FHIT: variants seen among roughly 807,000 people sequenced by gnomAD.
FHIT encodes bis(5'-adenosyl)-triphosphatase.
In FHIT, 19 loss-of-function variants were observed where a neutral mutation model predicts 17.9. That is an observed-to-expected ratio of 1.06 (90% confidence interval 0.74 to 1.56). The LOEUF is 1.56. Among genes scored for constraint, FHIT ranks in the 40% most tolerant of loss-of-function variants. The pLI, the probability that FHIT is intolerant of heterozygous loss-of-function variation, is 0.00. For synonymous variants in FHIT, 81 were observed against 69.7 expected (o/e 1.16, Z -0.81); for missense variants, 248 against 189.2 (o/e 1.31, Z -1.82).
intron 5 of FHIT, among the ~76,000 whole-genome samples, chr3:60,443,517 T>A (rs758225432): frequency 1.3e-5 from 2 of 152,204 alleles, no homozygotes; most frequent in South Asian, 4.1e-4. Context: ...CTTTTCTGCA[T>A]GTATTGAGAT....
intron 3 of FHIT, among the ~76,000 whole-genome samples, chr3:61,004,069 G>A (rs146523265): frequency 1.5e-4 from 23 of 152,202 alleles, no homozygotes; most frequent in Admixed American, 3.3e-4. Flanking sequence ...TGAGGGCACC[G>A]AGACGAATAG....
intron 3 of FHIT, among the ~76,000 whole-genome samples, chr3:60,885,891 G>T (rs189304765): frequency 6.6e-5 from 10 of 152,128 alleles, no homozygotes; most frequent in East Asian, 5.8e-4. Context: ...ATGTTTTACA[G>T]TCTTAGGAAT....
intron 3 of FHIT, among the ~76,000 whole-genome samples, chr3:61,003,308 T>C (rs2031224051): frequency 6.6e-6 from 1 of 152,192 alleles, no homozygotes; most frequent in African/African-American, 2.4e-5. Flanking sequence ...TGTTATTCCT[T>C]TGTAATATTA....
At chr3:60,186,580 C>T (rs73831983) in intron 5 of FHIT, among the ~76,000 whole-genome samples, 1,702 of 152,264 alleles carry the variant, frequency 0.011, 30 homozygotes, top group African/African-American at 0.04. Flanking sequence ...GAATGTTACA[C>T]AGTCATAACG....
At chr3:61,066,895 C>T (rs912099674) in intron 2 of FHIT, among the ~76,000 whole-genome samples, 2 of 152,162 alleles carry the variant, frequency 1.3e-5, no homozygotes, top group African/African-American at 4.8e-5. Context: ...ACCTGGGGTG[C>T]TATGTGAGGA....
At chr3:60,219,658 T>C (rs1462448440) in intron 5 of FHIT, among the ~76,000 whole-genome samples, 1 of 152,164 alleles carries the variant, frequency 6.6e-6, no homozygotes, top group Non-Finnish European at 1.5e-5. Flanking sequence ...TCAGTGATAC[T>C]TCCCTGTCCC....
chr3:60,868,492 C>T (rs1704260158), intron 3 of FHIT, among the ~76,000 whole-genome samples: 1 of 152,128 alleles, frequency 6.6e-6, no homozygotes, highest in Admixed American at 6.6e-5. Context: ...TTAAATTCCA[C>T]ATTTTGAAAC....
chr3:59,952,799 G>C (rs990270212), intron 7 of FHIT, among the ~76,000 whole-genome samples: 12 of 152,176 alleles, frequency 7.9e-5, no homozygotes, highest in Non-Finnish European at 1.6e-4. Flanking sequence ...TGGAGGGCTA[G>C]AGGGTGCAAA....
At chr3:59,840,879 G>A (rs982243072) in intron 8 of FHIT, among the ~76,000 whole-genome samples, 3 of 152,146 alleles carry the variant, frequency 2.0e-5, no homozygotes, top group Non-Finnish European at 2.9e-5. Context: ...TCATAGGGTT[G>A]TTGTGAGGTT....
intron 4 of FHIT, among the ~76,000 whole-genome samples, chr3:60,677,936 A>G (rs2040660821): frequency 6.6e-6 from 1 of 152,112 alleles, no homozygotes; most frequent in South Asian, 2.1e-4. Context: ...CCTCTACATT[A>G]TCTAGATTGT....
intron 5 of FHIT, among the ~76,000 whole-genome samples, chr3:60,331,658 C>T (rs1169575536): frequency 6.6e-6 from 1 of 151,978 alleles, no homozygotes; most frequent in Non-Finnish European, 1.5e-5. Context: ...ACCAGCCTGA[C>T]CAACATGGAG....
At chr3:60,505,623 A>C (rs1166493128) in intron 5 of FHIT, among the ~76,000 whole-genome samples, 1 of 152,152 alleles carries the variant, frequency 6.6e-6, no homozygotes, top group Non-Finnish European at 1.5e-5. Flanking sequence ...TTCTTCCAGC[A>C]TATTTTATGA....
chr3:60,031,738 G>T (rs1032842535), intron 5 of FHIT, among the ~76,000 whole-genome samples: 42 of 152,240 alleles, frequency 2.8e-4, no homozygotes, highest in African/African-American at 8.9e-4. Context: ...TGGGGCTTAG[G>T]TCAGGAGTTC....
chr3:61,030,668 G>A (rs543744204), intron 3 of FHIT, among the ~76,000 whole-genome samples: 20 of 152,218 alleles, frequency 1.3e-4, no homozygotes, highest in Middle Eastern at 3.4e-3. Flanking sequence ...TATGTTGGAC[G>A]GACAGTTCAA....
intron 4 of FHIT, among the ~76,000 whole-genome samples, chr3:60,616,104 G>T (rs561937247): frequency 6.6e-6 from 1 of 152,218 alleles, no homozygotes; most frequent in East Asian, 1.9e-4. Context: ...CCATTGTCTA[G>T]GTTCTTCTAT....
chr3:60,744,258 C>CAAAAA (rs371224955), intron 4 of FHIT, among the ~76,000 whole-genome samples: 3 of 95,636 alleles, frequency 3.1e-5, no homozygotes, highest in African/African-American at 4.1e-5. Flanking sequence ...AAAAAAAAAA[C>CAAAAA]AAAACAAAAC....
At chr3:61,115,337 G>T (rs1458801842) in intron 2 of FHIT, among the ~76,000 whole-genome samples, 1 of 152,122 alleles carries the variant, frequency 6.6e-6, no homozygotes, top group Admixed American at 6.6e-5. Flanking sequence ...GTATCACTGT[G>T]TCTAGAGAGA....
chr3:60,059,176 G>C (rs370840503), intron 5 of FHIT, among the ~76,000 whole-genome samples: 1 of 152,132 alleles, frequency 6.6e-6, no homozygotes, highest in Non-Finnish European at 1.5e-5. Flanking sequence ...GGGAAAGACC[G>C]TCTTCCTATA....
chr3:60,140,503 C>T (rs1395688907), intron 5 of FHIT, among the ~76,000 whole-genome samples: 1 of 151,896 alleles, frequency 6.6e-6, no homozygotes, highest in Non-Finnish European at 1.5e-5. Flanking sequence ...CAATGACCAC[C>T]ACATGAGACA....
Sources: allele counts gnomAD v4.1 joint callset (sites outside exome capture counted in the v4.1 genomes callset), GRCh38; gene constraint gnomAD v4.1.1; transcripts MANE v1.5; gene names NCBI Gene and HGNC (gene_info 2026-07-23, HGNC 2026-07-21).